The following ACSM3 variants were observed in gnomAD, a reference collection of about 807,000 sequenced individuals.
The protein encoded by ACSM3 is acyl-coenzyme A synthetase ACSM3, mitochondrial.
ACSM3 carries 61 observed loss-of-function variants against 74.1 expected under a neutral mutation model. The observed-to-expected ratio is 0.82, with a 90% CI of 0.67 to 1.02. The LOEUF is 1.02. Ranked by LOEUF, ACSM3 falls within the 50% of genes least tolerant of loss-of-function variation. The pLI is 0.00. For synonymous variants in ACSM3, 213 were observed against 241.5 expected (o/e 0.88, Z 1.09); for missense variants, 660 against 697.0 (o/e 0.95, Z 0.60).
intron 9 of ACSM3, chr16:20,786,372 A>G: frequency 4.0e-6 from 4 of 988,254 alleles, no homozygotes; most frequent in Non-Finnish European, 5.4e-6. Context: ...ATACAGTTCT[A>G]AGCATTTAAT....
chr16:20,719,631 G>A (rs2079778541), intron 1 of ACSM3, among the ~76,000 whole-genome samples: 1 of 152,190 alleles, frequency 6.6e-6, no homozygotes, highest in Non-Finnish European at 1.5e-5. Flanking sequence ...TTCAGGATTT[G>A]CTAGTGTCAC....
chr16:20,743,336 A>G (rs961733480), intron 1 of ACSM3, among the ~76,000 whole-genome samples: 11 of 152,276 alleles, frequency 7.2e-5, no homozygotes, highest in Middle Eastern at 3.4e-3. Context: ...TTTCCAGGCT[A>G]TGTTTCTATT....
intron 12 of ACSM3, among the ~76,000 whole-genome samples, chr16:20,795,299 C>T (rs547611162): frequency 6.6e-5 from 10 of 152,260 alleles, no homozygotes; most frequent in Admixed American, 6.5e-5. Context: ...GCAGTACAGG[C>T]GTGACCCACT....
chr16:20,682,767 A>G (rs2079473576), intron 1 of ACSM3, among the ~76,000 whole-genome samples: 1 of 152,214 alleles, frequency 6.6e-6, no homozygotes, highest in Admixed American at 6.5e-5. Context: ...CTTTACACAC[A>G]TTTACACAGG....
In ACSM3 at chr16:20,675,856, C is replaced by G. The variant is rs1224788767; in HGVS notation, c.-190+1034C>G. ...CACAGCTCACACCCAGAGAAACCAGCTGCGCTGGCGGCTACGGAGTTAAAG... is the reference window on the plus strand; with the variant it reads ...CACAGCTCACACCCAGAGAAACCAGGTGCGCTGGCGGCTACGGAGTTAAAG... On this transcript the variant is annotated intron_variant, in intron 1 of 3. Coordinates refer to the ACSM3 transcript ENST00000561584. 2.0e-5 allele frequency among the ~76,000 whole-genome samples: 3 copies of G among 152,208 alleles called. No individual in the cohort carries two copies. The South Asian group carries it at 6.2e-4, about 32-fold the overall frequency.
chr16:20,738,247 C>T lies in ACSM3; in HGVS notation c.-189-11663C>T, dbSNP rs1056696400. Reference sequence around the variant, plus strand: ...TTTGTGATGTCCTGAGTTATCCAACCGTAACACCATGCTGTTGTTTTCCTG... The same window carrying T: ...TTTGTGATGTCCTGAGTTATCCAACTGTAACACCATGCTGTTGTTTTCCTG... On this transcript the variant is annotated intron_variant, in intron 1 of 3. Coordinates refer to the ACSM3 transcript ENST00000561584. The T allele has an allele frequency of 4.7e-5, 23 of 488,330 alleles. 1 individual carries two copies. In the Admixed American group the frequency reaches 4.8e-4, roughly 10 times the overall value. 30.2% of individuals were successfully genotyped at this position (488,330 alleles called of 1,614,324 possible). A position where few individuals can be genotyped will look rare whatever the true frequency, so the allele number is the denominator to read the frequency against.
chr16:20,713,402 C>T (rs1015437115), intron 1 of ACSM3, among the ~76,000 whole-genome samples: 2 of 152,092 alleles, frequency 1.3e-5, no homozygotes, highest in Non-Finnish European at 2.9e-5. Context: ...AACATACCCC[C>T]CCATACATGT....
intron 1 of ACSM3, among the ~76,000 whole-genome samples, chr16:20,683,360 A>T: frequency 6.6e-6 from 1 of 151,456 alleles, no homozygotes; most frequent in East Asian, 2.0e-4. Context: ...ACTTCTGACC[A>T]CAAGTGATCT....
At chr16:20,789,525 G>A (rs528363831) in intron 9 of ACSM3, 2 of 1,613,680 alleles carry the variant, frequency 1.2e-6, no homozygotes, top group East Asian at 2.2e-5. Context: ...ACTCATATTG[G>A]GCTTCTGAAG....
At position 20,741,642 on chromosome 16, in the gene ACSM3, G is replaced by A. The variant is rs368242576; in HGVS notation, c.-189-8268G>A. The A allele has an allele frequency of 1.2e-4, 196 of 1,582,404 alleles. No individual in the cohort carries two copies. The highest frequency in any genetic ancestry group is 1.6e-4 in the Non-Finnish European group (188 of 1,164,600). On this transcript the variant is annotated intron_variant, in intron 1 of 3. Coordinates refer to the ACSM3 transcript ENST00000561584. ...GGGCTCTAGCTGACGGGGCCCGCCA[G>A]CGTCGCAGCGCCGAGCGCGCTTGGC...
At chr16:20,751,197 T>C (rs1225871656) in intron 2 of ACSM3, among the ~76,000 whole-genome samples, 1 of 152,186 alleles carries the variant, frequency 6.6e-6, no homozygotes, top group Non-Finnish European at 1.5e-5. Context: ...CCTGAACCAG[T>C]GGCCAGCCTT....
intron 12 of ACSM3, 190 bp from the exon 13 acceptor site, chr16:20,796,180 C>T: frequency 1.0e-6 from 1 of 969,730 alleles, no homozygotes; most frequent in Non-Finnish European, 1.4e-6. Flanking sequence ...ACAGGGGTCC[C>T]AGAAGCTCTC....
At chr16:20,766,769 T>G (rs1231102412) in intron 1 of ACSM3, 1 of 152,048 alleles carries the variant, frequency 6.6e-6, no homozygotes, top group Non-Finnish European at 1.5e-5. Flanking sequence ...AATAAATACT[T>G]CATTTAAAAA....
rs553740222 is a variant in ACSM3 at position 20,675,530 on chromosome 16, G to C, written c.-190+708G>C. Among the ~76,000 whole-genome samples the C allele has an allele frequency of 8.5e-5, 13 of 152,312 alleles. No homozygotes were observed. In the South Asian group the frequency reaches 1.2e-3, roughly 15 times the overall value. ...AGAGTGAAAGTGCACCTCAAGGGAGGAAATGGGAGGAAAAGCATGGAAACC... is the reference window on the plus strand; with the variant it reads ...AGAGTGAAAGTGCACCTCAAGGGAGCAAATGGGAGGAAAAGCATGGAAACC... On this transcript the variant is annotated intron_variant, in intron 1 of 3. Coordinates refer to the ACSM3 transcript ENST00000561584.
chr16:20,711,241 G>A (rs1404467562), intron 1 of ACSM3, among the ~76,000 whole-genome samples: 1 of 152,162 alleles, frequency 6.6e-6, no homozygotes, highest in African/African-American at 2.4e-5. Flanking sequence ...AGGTCACAAA[G>A]CTAGTAAGTT....
chr16:20,774,282 A>AC, intron 2 of ACSM3, among the ~76,000 whole-genome samples: 1 of 127,908 alleles, frequency 7.8e-6, no homozygotes, highest in East Asian at 2.2e-4. Flanking sequence ...TCACTCTGTC[A>AC]CCAGGCTGGA....
intron 1 of ACSM3, chr16:20,733,605 A>G (rs745887626): frequency 2.0e-5 from 3 of 151,986 alleles, no homozygotes; most frequent in Admixed American, 1.3e-4. Flanking sequence ...ATATATATAT[A>G]CTATAAAGCA....
chr16:20,721,875 GGTT>G (rs2079786889), intron 1 of ACSM3: 1 of 152,156 alleles, frequency 6.6e-6, no homozygotes, highest in South Asian at 2.1e-4. Context: ...AGCTGAAAGA[GGTT>G]GTTGGCAGTA....
chr16:20,762,804 T>G (rs1458206501), upstream of ACSM3, among the ~76,000 whole-genome samples: 2 of 152,228 alleles, frequency 1.3e-5, no homozygotes, highest in South Asian at 2.1e-4. Flanking sequence ...CAAAACCTAC[T>G]ACTAATATTG....
Sources: allele counts gnomAD v4.1 joint callset (sites outside exome capture counted in the v4.1 genomes callset), GRCh38; gene constraint gnomAD v4.1.1; transcripts MANE v1.5; gene names NCBI Gene and HGNC (gene_info 2026-07-23, HGNC 2026-07-21).